Variants in SVEP1 observed in about 807,000 individuals in gnomAD.
The protein encoded by SVEP1 is sushi, von Willebrand factor type A, EGF and pentraxin domain-containing protein 1.
In SVEP1, 164 loss-of-function variants were observed where a neutral mutation model predicts 367.3. That is an observed-to-expected ratio of 0.45 (90% CI 0.39 to 0.51). SVEP1 has a LOEUF of 0.51. Among genes scored for constraint, SVEP1 ranks in the 20% least tolerant of loss-of-function variants. The pLI, the probability that SVEP1 is intolerant of heterozygous loss-of-function variation, is 0.00. For synonymous variants in SVEP1, 1,666 were observed against 1,611.6 expected, an observed-to-expected ratio of 1.03 and a Z score of -0.81; for missense variants, 4,117 against 4,425.3, an observed-to-expected ratio of 0.93 and a Z score of 1.98.
At chr9:110,461,726 T>A (rs1018063585) in intron 18 of SVEP1, among the ~76,000 whole-genome samples, 2 of 152,186 alleles carry the variant, frequency 1.3e-5, no homozygotes, top group African/African-American at 4.8e-5. Flanking sequence ...AGATGGTAAT[T>A]CAATCAAGAG....
At chr9:110,402,668 A>C (rs1827882102) in intron 39 of SVEP1, among the ~76,000 whole-genome samples, 1 of 152,180 alleles carries the variant, frequency 6.6e-6, no homozygotes, top group African/African-American at 2.4e-5. Context: ...CCAGTTGTCT[A>C]CACACCCAAC....
At position 110,513,100 on chromosome 9, in the gene SVEP1, G is replaced by A. The variant is rs1829749056; in HGVS notation, c.1129C>T (p.His377Tyr). 2.5e-6 allele frequency: 4 copies of A among 1,608,180 alleles called. No homozygotes were observed. The highest frequency in any genetic ancestry group is 1.3e-5 in the African/African-American group (1 of 74,748). Residue 377 changes from histidine to tyrosine, a missense_variant, in exon 5 of 48, where the codon CAC (histidine) becomes TAC (tyrosine). By Grantham distance (83) the His-to-Tyr change is moderately conservative. Transcript: ENST00000374469. ...RASGQTCELV[H>Y]CPALKPPENG... is the part of the protein sequence containing the mutation. ...TCGGGAGGCTTCAGGGCAGGGCAGT[G>A]GACAACTAACATTTACAAAAATAAA...
chr9:110,489,196 G>C (rs908669325), intron 9 of SVEP1, among the ~76,000 whole-genome samples: 1 of 152,162 alleles, frequency 6.6e-6, no homozygotes, highest in Non-Finnish European at 1.5e-5. Flanking sequence ...AGTGACAAGG[G>C]AGTTGTTGAT....
chr9:110,469,637 C>T (rs1828987147), intron 16 of SVEP1, among the ~76,000 whole-genome samples: 1 of 152,104 alleles, frequency 6.6e-6, no homozygotes, highest in African/African-American at 2.4e-5. Flanking sequence ...AAGCCTGCTA[C>T]CAAAGTTAAT....
intron 38 of SVEP1, 120 bp downstream of exon 38, chr9:110,406,040 G>A (rs1286020552): frequency 7.1e-6 from 9 of 1,271,916 alleles, no homozygotes; most frequent in Non-Finnish European, 9.4e-6. Context: ...AAAAGCACCA[G>A]TGTTTGGAGA....
chr9:110,370,807 G>A (rs1169485416), intron 46 of SVEP1, among the ~76,000 whole-genome samples: 1 of 152,184 alleles, frequency 6.6e-6, no homozygotes, highest in South Asian at 2.1e-4. Context: ...AGAACTCCCT[G>A]TAGGAAGGAA....
At chr9:110,519,729 T>G (rs376144805) in intron 3 of SVEP1, among the ~76,000 whole-genome samples, 1 of 152,110 alleles carries the variant, frequency 6.6e-6, no homozygotes, top group South Asian at 2.1e-4. Flanking sequence ...GAGGGTGGGT[T>G]TGGTGTGCAA....
At chr9:110,503,770 TCTC>T (rs1469241184) in intron 5 of SVEP1, among the ~76,000 whole-genome samples, 3 of 152,156 alleles carry the variant, frequency 2.0e-5, no homozygotes, top group African/African-American at 7.2e-5. Context: ...CTTTTTCACT[TCTC>T]CTTCCCACAA....
At chr9:110,449,462 C>T (rs541970347) in intron 24 of SVEP1, among the ~76,000 whole-genome samples, 24 of 152,214 alleles carry the variant, frequency 1.6e-4, no homozygotes, top group African/African-American at 5.8e-4. Flanking sequence ...ACATGTGGCT[C>T]ATCTGAGGCC....
chr9:110,370,476 A>G (rs537958829), intron 46 of SVEP1, among the ~76,000 whole-genome samples: 1 of 152,292 alleles, frequency 6.6e-6, no homozygotes, highest in South Asian at 2.1e-4. Context: ...TGGGTGATTA[A>G]GTCAGACGTC....
At chr9:110,573,483 C>A (rs980367816) in intron 1 of SVEP1, among the ~76,000 whole-genome samples, 13 of 152,166 alleles carry the variant, frequency 8.5e-5, no homozygotes, top group African/African-American at 3.1e-4. Context: ...CTCTGACCAT[C>A]TAAAGCTTGG....
chr9:110,445,869 G>T lies in SVEP1; in HGVS notation c.4431C>A (p.Ser1477Arg). The T allele has an allele frequency of 1.2e-6, 2 of 1,613,802 alleles. No individual in the cohort carries two copies. The highest frequency in any genetic ancestry group is 1.7e-6 in the Non-Finnish European group (2 of 1,179,798). The part of the protein sequence containing the change: ...TPISYAVDNG[S>R]DNTLLLTDYN... ...AATCAGTCAGGAGCAAGGTATTGTC[G>T]CTGCCGTTATCAACTGCATAGGAGA... is the stretch of plus-strand genomic sequence containing the variant. Residue 1477 changes from serine (S) to arginine (R), a missense_variant, in exon 26 of 48, where the codon AGC becomes AGA. Physicochemically the swap from Ser to Arg is moderately radical, Grantham distance 110. Around this residue, in one of 4 missense-constraint regions of SVEP1, gnomAD observed 2,174 missense variants for 2,494.3 expected, o/e 0.87. Coordinates refer to ENST00000374469, the MANE Select transcript of SVEP1 (RefSeq NM_153366.4).
chr9:110,531,124 T>A (rs750560405), intron 3 of SVEP1, among the ~76,000 whole-genome samples: 4 of 152,162 alleles, frequency 2.6e-5, no homozygotes, highest in African/African-American at 4.8e-5. Context: ...ATAAAGCAAC[T>A]TTGTTTTGAA....
chr9:110,458,173 G>C lies in SVEP1; in HGVS notation c.3576+298C>G, dbSNP rs1359747818. On this transcript the variant is annotated intron_variant, in intron 20 of 47. Transcript: ENST00000374469. The stretch of plus-strand genomic sequence containing the variant: ...ACCAAATTCTCTTACTCAAATGATG[G>C]GTTGTGCTTGTGGTAAGTGCTTATA... The C allele has an allele frequency of 5.2e-6, 3 of 576,718 alleles. No homozygotes were observed. In the Admixed American group the frequency reaches 6.6e-5, roughly 13 times the overall value. The allele number at this position is 576,718 out of a possible 1,614,324, so 35.7% of individuals were successfully genotyped here. A position where few individuals can be genotyped will look rare whatever the true frequency, so the allele number is the denominator to read the frequency against.
At chr9:110,456,448 A>G (rs1234634358) in intron 21 of SVEP1, among the ~76,000 whole-genome samples, 2 of 152,308 alleles carry the variant, frequency 1.3e-5, no homozygotes, top group East Asian at 1.9e-4. Context: ...AAATATTTTT[A>G]TAAAAATCCA....
At chr9:110,400,294 C>G (rs1450884236) in intron 40 of SVEP1, among the ~76,000 whole-genome samples, 1 of 152,080 alleles carries the variant, frequency 6.6e-6, no homozygotes, top group Admixed American at 6.6e-5. Flanking sequence ...GTCACAGCAT[C>G]TGTCTTGTGG....
At chr9:110,462,631 T>A (rs377568891) in intron 18 of SVEP1, among the ~76,000 whole-genome samples, 1 of 151,606 alleles carries the variant, frequency 6.6e-6, no homozygotes, top group East Asian at 1.9e-4. Context: ...GGGGTGAATG[T>A]TTCATTTTGA....
At chr9:110,476,351 C>T (rs749105215) in intron 13 of SVEP1, 36 bp from the exon 14 acceptor site, 3 of 1,482,284 alleles carry the variant, frequency 2.0e-6, no homozygotes, top group Non-Finnish European at 2.8e-6. Flanking sequence ...AAGTGTAAAT[C>T]ACTTTTCTGC....
Position 110,481,328 on chromosome 9 carries a change from G to A in SVEP1, c.2279C>T (p.Thr760Ile). 1.9e-6 allele frequency: 3 copies of A among 1,611,514 alleles called. No homozygotes were observed. The highest frequency in any genetic ancestry group is 2.5e-6 in the Non-Finnish European group (3 of 1,178,840). Residue 760 changes from threonine to isoleucine, a missense_variant, in exon 12 of 48, where the codon ACA (threonine) becomes ATA (isoleucine). Around this residue, in one of 4 missense-constraint regions of SVEP1, gnomAD observed 2,174 missense variants for 2,494.3 expected, o/e 0.87. Transcript: ENST00000374469. ...TLTCLEGYDFTEGSTDKYYCA... is the reference protein window; with the variant it reads ...TLTCLEGYDFIEGSTDKYYCA... ...ATAATACTTGTCAGTAGACCCTTCT[G>A]TGAAATCATAGCCCTCCAAGCAAGT...
Sources: allele counts gnomAD v4.1 joint callset (sites outside exome capture counted in the v4.1 genomes callset), GRCh38; gene constraint gnomAD v4.1.1; regional missense constraint gnomAD v4.1.1; transcripts MANE v1.5; gene names NCBI Gene and HGNC (gene_info 2026-07-23, HGNC 2026-07-21).